Variants in RSU1 observed in about 807,000 individuals in gnomAD.
RSU1 encodes Ras suppressor protein 1.
Under a neutral mutation model 31.1 loss-of-function variants are expected in RSU1, and 26 were observed. That is an observed-to-expected ratio of 0.84 (90% CI 0.61 to 1.16). RSU1 has a LOEUF of 1.16. Among genes scored for constraint, RSU1 ranks in the 50% most tolerant of loss-of-function variants. The probability of loss-of-function intolerance (pLI) is 0.00; values close to 1 mark genes in which losing one functional copy is unlikely to be tolerated. For synonymous variants in RSU1, 164 were observed against 136.3 expected, an observed-to-expected ratio of 1.20 and a Z score of -1.41; for missense variants, 320 against 339.1, an observed-to-expected ratio of 0.94 and a Z score of 0.44.
chr10:16,813,397 A>G (rs562802931), intron 2 of RSU1, among the ~76,000 whole-genome samples: 26 of 152,346 alleles, frequency 1.7e-4, no homozygotes, highest in African/African-American at 4.8e-4. Context: ...TTAACAAAGT[A>G]AAGTTCTTGG....
chr10:16,714,327 G>C (rs529058341), intron 7 of RSU1, among the ~76,000 whole-genome samples: 7 of 152,330 alleles, frequency 4.6e-5, no homozygotes, highest in African/African-American at 1.7e-4. Context: ...TCTTGGGCTG[G>C]ATGCCAGTGT....
chr10:16,722,849 C>T (rs12358310), intron 7 of RSU1, among the ~76,000 whole-genome samples: 5 of 93,780 alleles, frequency 5.3e-5, no homozygotes, highest in Non-Finnish European at 4.7e-5. Context: ...TGTATATATA[C>T]ACACATATAT....
chr10:16,638,611 G>A (rs970937376), intron 8 of RSU1, among the ~76,000 whole-genome samples: 5 of 152,178 alleles, frequency 3.3e-5, no homozygotes, highest in African/African-American at 9.7e-5. Context: ...CTGTGTTCTC[G>A]GAGATGGTAA....
intron 8 of RSU1, among the ~76,000 whole-genome samples, chr10:16,675,042 T>C (rs948808496): frequency 1.3e-5 from 2 of 148,664 alleles, no homozygotes; most frequent in Non-Finnish European, 3.0e-5. Flanking sequence ...CAAAAATAAA[T>C]AAATAAAAAT....
intron 3 of RSU1, 133 bp from the exon 4 acceptor site, chr10:16,764,643 G>T: frequency 3.3e-6 from 3 of 921,488 alleles, no homozygotes; most frequent in South Asian, 2.0e-5. Context: ...TCACCTACCG[G>T]TCTTATTTAT....
chr10:16,634,337 C>T (rs899973083), intron 8 of RSU1, among the ~76,000 whole-genome samples: 6 of 152,184 alleles, frequency 3.9e-5, no homozygotes, highest in South Asian at 2.1e-4. Context: ...TGTTTTGTTA[C>T]GCTGGCTTCA....
At chr10:16,701,945 TTA>T (rs1835802216) in intron 7 of RSU1, among the ~76,000 whole-genome samples, 1 of 152,222 alleles carries the variant, frequency 6.6e-6, no homozygotes, top group African/African-American at 2.4e-5. Flanking sequence ...AGTAAATAAT[TTA>T]TGTTTTAAAC....
rs185099995 is a variant in RSU1 at position 16,693,025 on chromosome 10, C to T, written c.731+1998G>A. Among the ~76,000 whole-genome samples the T allele has an allele frequency of 1.6e-3, 249 of 152,186 alleles. 1 individual carries two copies. Among genetic ancestry groups the T allele is most frequent in the Non-Finnish European group, 2.4e-3 (163 of 67,994 alleles). On this transcript the variant is annotated intron_variant, in intron 8 of 8. Coordinates refer to ENST00000345264, the MANE Select transcript of RSU1 (RefSeq NM_012425.4). The stretch of plus-strand genomic sequence containing the variant: ...TCGCCCAGGCTGGAGTGCAGTGGCA[C>T]GATCTCAGCTCACTGCAACCTCTGC...
At chr10:16,811,889 A>G (rs1838417164) in intron 2 of RSU1, among the ~76,000 whole-genome samples, 1 of 152,172 alleles carries the variant, frequency 6.6e-6, no homozygotes, top group Non-Finnish European at 1.5e-5. Context: ...GTACTATGCC[A>G]AGTAGAGAGA....
chr10:16,674,775 T>A (rs1835194295), intron 8 of RSU1, among the ~76,000 whole-genome samples: 1 of 152,128 alleles, frequency 6.6e-6, no homozygotes, highest in African/African-American at 2.4e-5. Context: ...CCAGAAGCTG[T>A]AATCCCAGCA....
intron 5 of RSU1, among the ~76,000 whole-genome samples, chr10:16,753,381 T>C (rs913652886): frequency 1.3e-5 from 2 of 152,234 alleles, no homozygotes; most frequent in African/African-American, 4.8e-5. Context: ...CTTTTATGGA[T>C]ACCTAGGGCA....
intron 3 of RSU1, among the ~76,000 whole-genome samples, chr10:16,781,355 C>T (rs993401303): frequency 1.3e-5 from 2 of 152,106 alleles, no homozygotes; most frequent in Non-Finnish European, 2.9e-5. Context: ...GGATACCCAG[C>T]AGAATTTTTC....
At chr10:16,773,253 G>A (rs568787736) in intron 3 of RSU1, among the ~76,000 whole-genome samples, 2 of 152,026 alleles carry the variant, frequency 1.3e-5, no homozygotes, top group South Asian at 2.1e-4. Context: ...CCATCAAGAG[G>A]CCACAAGTGG....
chr10:16,760,839 C>CT (rs1248703905), intron 4 of RSU1, among the ~76,000 whole-genome samples: 4 of 152,188 alleles, frequency 2.6e-5, no homozygotes, highest in African/African-American at 4.8e-5. Context: ...CCTCCACCCT[C>CT]TTCTCCATAC....
At chr10:16,751,029 C>T (rs1301372271) in intron 7 of RSU1, among the ~76,000 whole-genome samples, 1 of 152,022 alleles carries the variant, frequency 6.6e-6, no homozygotes, top group Non-Finnish European at 1.5e-5. Context: ...CCACGTCCAG[C>T]TAATTTTTTG....
intron 7 of RSU1, among the ~76,000 whole-genome samples, chr10:16,712,673 T>G (rs1564328121): frequency 6.6e-6 from 1 of 152,176 alleles, no homozygotes; most frequent in Non-Finnish European, 1.5e-5. Context: ...TTGTAGCCAC[T>G]AAGTGTGGTT....
intron 4 of RSU1, among the ~76,000 whole-genome samples, chr10:16,762,234 G>A (rs1228350237): frequency 6.6e-6 from 1 of 151,860 alleles, no homozygotes; most frequent in African/African-American, 2.4e-5. Context: ...GATAACAATA[G>A]CTAACTAATA....
intron 7 of RSU1, among the ~76,000 whole-genome samples, chr10:16,696,997 T>C (rs943786565): frequency 5.3e-5 from 8 of 152,214 alleles, no homozygotes; most frequent in East Asian, 1.9e-4. Context: ...ATGGTTTTTT[T>C]CTCTAATTTT....
intron 3 of RSU1, among the ~76,000 whole-genome samples, chr10:16,780,903 T>G (rs1175653115): frequency 1.3e-5 from 2 of 152,234 alleles, no homozygotes; most frequent in African/African-American, 4.8e-5. Context: ...GTGCCGTCAC[T>G]CTGCCTTTGC....
Sources: gnomAD v4.1 joint callset for allele counts (sites outside exome capture counted in the v4.1 genomes callset) on GRCh38, gnomAD v4.1.1 for gene constraint, MANE v1.5 for transcripts, NCBI Gene and HGNC (gene_info 2026-07-23, HGNC 2026-07-21) for gene names.